The following C4orf33 variants were observed in gnomAD, a reference collection of about 807,000 sequenced individuals.
C4orf33 encodes the protein chromosome 4 open reading frame 33.
C4orf33 carries 20 observed loss-of-function variants against 24.3 expected under a neutral mutation model. The ratio of observed to expected loss-of-function variants is 0.82; its 90% CI spans 0.58 to 1.19. C4orf33 has a LOEUF of 1.19. Among genes scored for constraint, C4orf33 ranks in the 50% most tolerant of loss-of-function variants. C4orf33 has a pLI of 0.00. For missense variants in C4orf33, 207 were observed against 225.9 expected, an observed-to-expected ratio of 0.92 and a Z score of 0.54; for synonymous variants, 67 against 76.4, an observed-to-expected ratio of 0.88 and a Z score of 0.64.
At chr4:129,103,726 C>T (rs1050800647) in intron 2 of C4orf33, among the ~76,000 whole-genome samples, 1 of 152,178 alleles carries the variant, frequency 6.6e-6, no homozygotes, top group Non-Finnish European at 1.5e-5. Flanking sequence ...GCTTTCAGCA[C>T]ACTTATGAAT....
rs557522429 is a variant in C4orf33 at position 129,116,451 on chromosome 4, C to G, written c.*4660C>G. 2.0e-5 allele frequency: 3 copies of G among 152,114 alleles called. No individual in the cohort carries two copies. The highest frequency in any genetic ancestry group is 7.2e-5 in the African/African-American group (3 of 41,426). The allele number at this position is 152,114 out of a possible 1,614,324, so 9.4% of individuals were successfully genotyped here. On this transcript the variant is annotated 3_prime_UTR_variant, in exon 6 of 6. Transcript: ENST00000425929. ...TTATTTTCTTTTGGCAGCCTATCAC[C>G]TGTAATTTCCGTTAAACAGCATTTC...
intron 5 of C4orf33, chr4:129,110,141 T>C: frequency 2.7e-6 from 1 of 376,252 alleles, no homozygotes; most frequent in Non-Finnish European, 3.7e-6. Flanking sequence ...GCAACACTGC[T>C]TACGATAAAA....
At chr4:129,098,449 T>C (rs1753262592) in intron 1 of C4orf33, among the ~76,000 whole-genome samples, 1 of 152,216 alleles carries the variant, frequency 6.6e-6, no homozygotes, top group Non-Finnish European at 1.5e-5. Context: ...TTCATGAATT[T>C]GCTTAGAATA....
At chr4:129,102,559 TTG>T in intron 1 of C4orf33, 41 bp from the exon 2 acceptor site, 1 of 1,399,114 alleles carries the variant, frequency 7.1e-7, no homozygotes, top group East Asian at 2.3e-5. Flanking sequence ...AAGAAAACAT[TTG>T]TATATTGTTA....
In C4orf33 at chr4:129,115,805, T is replaced by TATATATATATATATATATATA. The variant is rs1353777443; in HGVS notation, c.*4015_*4035dup. The stretch of plus-strand genomic sequence containing the variant: ...GCCTAACAAATCTTCTAACTAAATA[T>TATATATATATATATATATATA]ATATATATATATATATATATATATA... On this transcript the variant is annotated 3_prime_UTR_variant, in exon 6 of 6. Transcript: ENST00000425929. 41 of 64,782 alleles carry TATATATATATATATATATATA rather than the reference T, an allele frequency of 6.3e-4. No homozygotes were observed. The highest frequency in any genetic ancestry group is 1.8e-3 in the African/African-American group (38 of 20,604). 4.0% of individuals were successfully genotyped at this position (64,782 alleles called of 1,614,324 possible).
rs187936824 is a variant in C4orf33 at position 129,110,144 on chromosome 4, C to T, written c.494+472C>T. On this transcript the variant is annotated intron_variant, in intron 5 of 5. Coordinates refer to ENST00000425929, the MANE Select transcript of C4orf33 (RefSeq NM_001099783.2). ...CTATGTTTCTAGGCAACACTGCTTACGATAAAAATGACCCTTAAGTGGCAA... is the reference window on the plus strand; with the variant it reads ...CTATGTTTCTAGGCAACACTGCTTATGATAAAAATGACCCTTAAGTGGCAA... 3.8e-4 allele frequency: 135 copies of T among 352,872 alleles called. 1 individual carries two copies. In the East Asian group the frequency reaches 0.019, roughly 49 times the overall value. The allele number at this position is 352,872 out of a possible 1,614,324, so 21.9% of individuals were successfully genotyped here. A position where few individuals can be genotyped will look rare whatever the true frequency, so the allele number is the denominator to read the frequency against.
chr4:129,106,508 A>G, intron 2 of C4orf33, 79 bp from the exon 3 acceptor site: 2 of 712,670 alleles, frequency 2.8e-6, no homozygotes, highest in Non-Finnish European at 4.6e-6. Flanking sequence ...AATTCATTTT[A>G]TATTCTAAAG....
intron 3 of C4orf33, among the ~76,000 whole-genome samples, chr4:129,108,495 G>A (rs1368662578): frequency 6.6e-6 from 1 of 152,136 alleles, no homozygotes; most frequent in Admixed American, 6.5e-5. Flanking sequence ...AATAGACAAA[G>A]ATTAAAATCT....
upstream of C4orf33, chr4:129,093,905 G>A (rs1753080328): frequency 6.6e-6 from 1 of 152,242 alleles, no homozygotes; most frequent in Non-Finnish European, 1.5e-5. Context: ...AAGCCTTTCT[G>A]GACTAAGTAA....
At chr4:129,097,431 G>A (rs985181782) in intron 1 of C4orf33, among the ~76,000 whole-genome samples, 8 of 152,068 alleles carry the variant, frequency 5.3e-5, no homozygotes, top group Non-Finnish European at 1.2e-4. Flanking sequence ...ATGCAAATAA[G>A]CTTCCTTTTT....
At chr4:129,103,742 C>G (rs1753434129) in intron 2 of C4orf33, among the ~76,000 whole-genome samples, 1 of 152,090 alleles carries the variant, frequency 6.6e-6, no homozygotes, top group African/African-American at 2.4e-5. Context: ...TGAATTGGGC[C>G]ACCATATTCA....
intron 1 of C4orf33, among the ~76,000 whole-genome samples, chr4:129,100,331 G>T (rs1022049345): frequency 2.3e-5 from 2 of 85,182 alleles, no homozygotes; most frequent in African/African-American, 6.1e-5. Context: ...ATTGTATTTT[G>T]ATTTTTTTTT....
intron 1 of C4orf33, 102 bp downstream of exon 1, chr4:129,096,311 A>C (rs1260498096): frequency 6.6e-6 from 1 of 152,154 alleles, no homozygotes; most frequent in East Asian, 1.9e-4. Context: ...AAAGTATTTT[A>C]CTTTTCAGCT....
chr4:129,101,139 G>T (rs921502674), intron 1 of C4orf33, among the ~76,000 whole-genome samples: 6 of 152,058 alleles, frequency 3.9e-5, no homozygotes, highest in Non-Finnish European at 7.4e-5. Flanking sequence ...TTTAATTTTA[G>T]AGATTATCTA....
In C4orf33 at chr4:129,109,332, CT is replaced by C; in HGVS notation, c.271del (p.Ser91LeufsTer39). The C allele has an allele frequency of 6.2e-7, 1 of 1,614,106 alleles. No individual in the cohort carries two copies. The highest frequency in any genetic ancestry group is 8.5e-7 in the Non-Finnish European group (1 of 1,179,950). Reference sequence around the variant, plus strand: ...CCACGGACAGCATTTAGTGCTTTTACTTTCTGGAAGAAGAAATGTGTGGAAA... The same window carrying C: ...CCACGGACAGCATTTAGTGCTTTTACTTCTGGAAGAAGAAATGTGTGGAAA... ...CPHGQHLVLL[L>X]SGRRNVWKQE... is the part of the protein sequence containing the mutation. On this transcript the variant is annotated frameshift_variant, in exon 4 of 6. Coordinates refer to ENST00000425929, the MANE Select transcript of C4orf33 (RefSeq NM_001099783.2). LOFTEE classifies it high-confidence loss of function.
intron 3 of C4orf33, among the ~76,000 whole-genome samples, chr4:129,107,705 G>T (rs1753559916): frequency 6.6e-6 from 1 of 151,996 alleles, no homozygotes; most frequent in South Asian, 2.1e-4. Context: ...GCCATGAGAA[G>T]TAAGAAAATT....
intron 2 of C4orf33, among the ~76,000 whole-genome samples, chr4:129,105,952 C>G (rs1753504422): frequency 6.6e-6 from 1 of 152,156 alleles, no homozygotes; most frequent in Non-Finnish European, 1.5e-5. Flanking sequence ...GACATAGACA[C>G]ACATGCAATT....
rs1269196572 is a variant in C4orf33 at position 129,111,927 on chromosome 4, T to C, written c.*136T>C. Reference sequence around the variant, plus strand: ...TTCATAGAAGTCACTGAAAATATAGTATCTGTGGCAAATTGTATATGATTA... The same window carrying C: ...TTCATAGAAGTCACTGAAAATATAGCATCTGTGGCAAATTGTATATGATTA... On this transcript the variant is annotated 3_prime_UTR_variant, in exon 6 of 6. Transcript: ENST00000425929. 5 of 544,544 alleles carry C rather than the reference T, an allele frequency of 9.2e-6. No homozygotes were observed. Among genetic ancestry groups the C allele is most frequent in the Middle Eastern group, 4.2e-4 (1 of 2,380 alleles). 33.7% of individuals were successfully genotyped at this position (544,544 alleles called of 1,614,324 possible).
chr4:129,116,584 A>G lies in C4orf33; in HGVS notation c.*4793A>G, dbSNP rs1324172778. On this transcript the variant is annotated 3_prime_UTR_variant, in exon 6 of 6. Transcript: ENST00000425929. ...TAGCTTTGCTGAAATAGAAAACCAA[A>G]CTGTAAATTGAAGTCTGAGCATTCA... 2 of 152,242 alleles carry G rather than the reference A, an allele frequency of 1.3e-5. No individual in the cohort carries two copies. Among genetic ancestry groups the G allele is most frequent in the African/African-American group, 4.8e-5 (2 of 41,462 alleles). 9.4% of individuals were successfully genotyped at this position (152,242 alleles called of 1,614,324 possible).
Sources: allele counts gnomAD v4.1 joint callset (sites outside exome capture counted in the v4.1 genomes callset), GRCh38; gene constraint gnomAD v4.1.1; transcripts MANE v1.5; gene names NCBI Gene and HGNC (gene_info 2026-07-23, HGNC 2026-07-21).